SLC30A6: variants seen among roughly 807,000 people sequenced by gnomAD.
The protein encoded by SLC30A6 is solute carrier family 30 member 6.
Under a neutral mutation model 63.0 loss-of-function variants are expected in SLC30A6, and 55 were observed. The ratio of observed to expected loss-of-function variants is 0.87; its 90% CI spans 0.70 to 1.09. The LOEUF (loss-of-function observed/expected upper bound fraction) is 1.09, where lower values mean the gene tolerates loss of function less well. Ranked by LOEUF, SLC30A6 falls within the 50% of genes least tolerant of loss-of-function variation. SLC30A6 has a pLI of 0.00. For synonymous variants in SLC30A6, 224 were observed against 186.1 expected (o/e 1.20, Z -1.66); for missense variants, 587 against 549.2 (o/e 1.07, Z -0.69).
chr2:32,175,032 G>A (rs547790553), intron 3 of SLC30A6, among the ~76,000 whole-genome samples: 4 of 151,904 alleles, frequency 2.6e-5, no homozygotes, highest in Admixed American at 6.6e-5. Flanking sequence ...TTGAAATAGC[G>A]CTGAGATTAC....
At chr2:32,166,047 C>A in intron 1 of SLC30A6, 144 bp downstream of exon 1, 2 of 1,220,526 alleles carry the variant, frequency 1.6e-6, no homozygotes, top group Non-Finnish European at 2.4e-6. Flanking sequence ...GAGCGGCTGT[C>A]TCCCAAAATG....
At chr2:32,215,024 T>TAA (rs1685578535) in intron 13 of SLC30A6, among the ~76,000 whole-genome samples, 1 of 152,218 alleles carries the variant, frequency 6.6e-6, no homozygotes, top group African/African-American at 2.4e-5. Flanking sequence ...GTAGCTCTCT[T>TAA]ACTATTTTTC....
At position 32,165,900 on chromosome 2, in the gene SLC30A6, C is replaced by G; in HGVS notation, c.-1C>G. Reference sequence around the variant, plus strand: ...CGGCGGGAGCTGTGCAGCTCCTTATCATGGTGAGTTGGCTGTTGGGGTGAG... The same window carrying G: ...CGGCGGGAGCTGTGCAGCTCCTTATGATGGTGAGTTGGCTGTTGGGGTGAG... On this transcript the variant is annotated 5_prime_UTR_variant, in exon 1 of 14. In the 5' UTR this introduces an upstream ATG that the reference lacks. Coordinates refer to ENST00000282587, the MANE Select transcript of SLC30A6 (RefSeq NM_017964.5). The G allele has an allele frequency of 1.2e-6, 2 of 1,614,164 alleles. No homozygotes were observed. Among genetic ancestry groups the G allele is most frequent in the African/African-American group, 2.7e-5 (2 of 75,062 alleles).
In SLC30A6 at chr2:32,221,564, C is replaced by T. The variant is rs1311576754; in HGVS notation, c.*851C>T. On this transcript the variant is annotated 3_prime_UTR_variant, in exon 14 of 14. Coordinates refer to ENST00000282587, the MANE Select transcript of SLC30A6 (RefSeq NM_017964.5). ...GTAAAAGTCTCTTTTATAGCTTTTC[C>T]AAACTTAATTGCTAAATTTTTCTTT... 2 of 152,140 alleles carry T rather than the reference C, an allele frequency of 1.3e-5. No homozygotes were observed. The highest frequency in any genetic ancestry group is 2.9e-5 in the Non-Finnish European group (2 of 68,012). The allele number at this position is 152,140 out of a possible 1,614,324, so 9.4% of individuals were successfully genotyped here.
Position 32,176,104 on chromosome 2 carries a change from T to G in SLC30A6, c.218+743T>G, listed in dbSNP as rs186280424. The stretch of plus-strand genomic sequence containing the variant: ...TCAGAGGGCTAATTTTGCTAACATT[T>G]GAAGGGCCCTACAATTTAAGACAAA... On this transcript the variant is annotated intron_variant, in intron 4 of 13. Transcript: ENST00000282587. 9.4e-3 allele frequency among the ~76,000 whole-genome samples: 1,430 copies of G among 152,000 alleles called. 27 individuals are homozygous for G. The highest frequency in any genetic ancestry group is 0.05 in the South Asian group (240 of 4,806).
intron 13 of SLC30A6, among the ~76,000 whole-genome samples, chr2:32,210,455 C>G (rs911834421): frequency 7.5e-6 from 1 of 133,088 alleles, no homozygotes; most frequent in African/African-American, 2.9e-5. Context: ...GCAGAGGTTG[C>G]AGTGAGCCGA....
In SLC30A6 at chr2:32,208,742, G is replaced by T. The variant is rs140557162; in HGVS notation, c.817-751G>T. Among the ~76,000 whole-genome samples, 62 of 152,008 alleles carry T rather than the reference G, an allele frequency of 4.1e-4. No individual in the cohort carries two copies. In the East Asian group the frequency reaches 0.012, roughly 28 times the overall value. ...TTGGCCTGGCTGGACTCGAACTCCT[G>T]GCCTCAAGTGATCTGCCTACCTCAG... On this transcript the variant is annotated intron_variant, in intron 12 of 13. Transcript: ENST00000282587.
At chr2:32,193,033 T>C in intron 7 of SLC30A6, 80 bp downstream of exon 7, 1 of 892,432 alleles carries the variant, frequency 1.1e-6, no homozygotes. Flanking sequence ...TTGGCCAATG[T>C]CAGATTTCAG....
chr2:32,178,194 G>A (rs562803478), intron 4 of SLC30A6, among the ~76,000 whole-genome samples: 5 of 151,724 alleles, frequency 3.3e-5, no homozygotes, highest in South Asian at 2.1e-4. Context: ...TGATCCGCCC[G>A]CCTCGGCTTC....
chr2:32,216,915 G>A (rs954124189), intron 13 of SLC30A6, among the ~76,000 whole-genome samples: 4 of 151,750 alleles, frequency 2.6e-5, no homozygotes, highest in Non-Finnish European at 5.9e-5. Flanking sequence ...TTTAGACGAA[G>A]TCTAGCTCTG....
intron 12 of SLC30A6, among the ~76,000 whole-genome samples, chr2:32,207,189 G>A (rs1684845074): frequency 6.6e-6 from 1 of 151,836 alleles, no homozygotes; most frequent in South Asian, 2.1e-4. Context: ...TAAATGCTAT[G>A]ATTTTTATTT....
chr2:32,210,670 C>G (rs1394367020), intron 13 of SLC30A6, among the ~76,000 whole-genome samples: 1 of 151,070 alleles, frequency 6.6e-6, no homozygotes, highest in East Asian at 1.9e-4. Flanking sequence ...TTTGATTTTT[C>G]TAATATAACA....
Position 32,221,723 on chromosome 2 carries a change from T to G in SLC30A6, c.*1010T>G, listed in dbSNP as rs916523138. 6.6e-6 allele frequency: 1 copy of G among 152,186 alleles called. No homozygotes were observed. The highest frequency in any genetic ancestry group is 1.5e-5 in the Non-Finnish European group (1 of 68,020). The allele number at this position is 152,186 out of a possible 1,614,324, so 9.4% of individuals were successfully genotyped here. On this transcript the variant is annotated 3_prime_UTR_variant, in exon 14 of 14. Coordinates refer to ENST00000282587, the MANE Select transcript of SLC30A6 (RefSeq NM_017964.5). ...GTTAAAGTTTCTCTCCTTTAAAAAT[T>G]TTAGTACATTTGTAAATAGTCCATG...
chr2:32,168,338 A>G (rs73922705), intron 1 of SLC30A6, among the ~76,000 whole-genome samples: 2 of 151,062 alleles, frequency 1.3e-5, no homozygotes, highest in African/African-American at 4.8e-5. Context: ...TTTAAAATAA[A>G]TATTTTAAAA....
At chr2:32,213,182 C>T (rs904194577) in intron 13 of SLC30A6, among the ~76,000 whole-genome samples, 2 of 152,046 alleles carry the variant, frequency 1.3e-5, no homozygotes, top group African/African-American at 4.8e-5. Flanking sequence ...GTTGGGATTA[C>T]AGGCACGAGC....
rs774698085 is a variant in SLC30A6 at position 32,165,952 on chromosome 2, A to G, written c.3+49A>G. ...GTTTCGGCTGTAGCTGATTCGGTTT[A>G]TCTTATTTGGTCCCGAAGCGACCTT... On this transcript the variant is annotated intron_variant, in intron 1 of 13. Coordinates refer to ENST00000282587, the MANE Select transcript of SLC30A6 (RefSeq NM_017964.5). The G allele has an allele frequency of 4.3e-6, 7 of 1,613,762 alleles. No individual in the cohort carries two copies. The African/African-American group carries it at 8.0e-5, about 18-fold the overall frequency.
intron 2 of SLC30A6, 131 bp downstream of exon 2, chr2:32,171,504 A>G: frequency 1.6e-6 from 1 of 640,938 alleles, no homozygotes; most frequent in East Asian, 2.9e-5. Context: ...CTATGTTGGA[A>G]AAGTATTTTT....
chr2:32,218,537 T>C (rs898218269), intron 13 of SLC30A6, among the ~76,000 whole-genome samples: 1 of 148,800 alleles, frequency 6.7e-6, no homozygotes, highest in Admixed American at 6.7e-5. Flanking sequence ...TTTGTTTTGT[T>C]TTGTTTTGTT....
At chr2:32,168,653 ATACTCT>A (rs1294313747) in intron 1 of SLC30A6, among the ~76,000 whole-genome samples, 2 of 152,178 alleles carry the variant, frequency 1.3e-5, no homozygotes, top group African/African-American at 2.4e-5. Context: ...CCCCACTCTA[ATACTCT>A]TAATCTAATA....
Sources: gnomAD v4.1 joint callset for allele counts (sites outside exome capture counted in the v4.1 genomes callset) on GRCh38, gnomAD v4.1.1 for gene constraint, MANE v1.5 for transcripts, NCBI Gene and HGNC (gene_info 2026-07-23, HGNC 2026-07-21) for gene names.